CAMSAP3: variants seen among roughly 807,000 people sequenced by gnomAD.
The protein encoded by CAMSAP3 is calmodulin-regulated spectrin-associated protein 3.
In CAMSAP3, 34 loss-of-function variants were observed where a neutral mutation model predicts 112.5. The observed-to-expected ratio is 0.30, with a 90% confidence interval of 0.23 to 0.40. The LOEUF is 0.40. Among genes scored for constraint, CAMSAP3 ranks in the 10% least tolerant of loss-of-function variants. CAMSAP3 has a pLI of 1.00. For synonymous variants in CAMSAP3, 868 were observed against 799.8 expected, an observed-to-expected ratio of 1.09 and a Z score of -1.44; for missense variants, 1,602 against 1,770.3, an observed-to-expected ratio of 0.90 and a Z score of 1.71.
chr19:7,614,041 CA>C (rs2030645837), intron 11 of CAMSAP3, among the ~76,000 whole-genome samples: 1 of 152,022 alleles, frequency 6.6e-6, no homozygotes, highest in Non-Finnish European at 1.5e-5. Context: ...GCAGGCGGAT[CA>C]TGAGGTCAGG....
Position 7,606,522 on chromosome 19 carries a change from G to T in CAMSAP3, c.572G>T (p.Arg191Leu), listed in dbSNP as rs748688250. 1 of 1,559,838 alleles carries T rather than the reference G, an allele frequency of 6.4e-7. No individual in the cohort carries two copies. The highest frequency in any genetic ancestry group is 1.4e-5 in the African/African-American group (1 of 74,072). Residue 191 changes from arginine to leucine, a missense_variant, in exon 4 of 17, where the codon CGA (arginine) becomes CTA (leucine). Coordinates refer to ENST00000160298, the MANE Select transcript of CAMSAP3 (RefSeq NM_020902.2). The part of the protein sequence containing the change: ...QEKTEQEAAQ[R>L]ASPAAPADGA... ...AAGACCGAGCAGGAAGCGGCCCAGC[G>T]AGCCTCTCCAGCAGCCCCTGCAGAC... is the stretch of plus-strand genomic sequence containing the variant.
At position 7,617,509 on chromosome 19, in the gene CAMSAP3, G is replaced by GCCCCCCCCCCCCCCCCCC; in HGVS notation, c.3326-28_3326-27insCCCCCCCCCCCCCCCCCC. 4 of 1,608,404 alleles carry GCCCCCCCCCCCCCCCCCC rather than the reference G, an allele frequency of 2.5e-6. No homozygotes were observed. The highest frequency in any genetic ancestry group is 1.7e-5 in the Admixed American group (1 of 59,980). The stretch of plus-strand genomic sequence containing the variant: ...TCCACAGCCCCTGCTCATTCCTGCT[G>GCCCCCCCCCCCCCCCCCC]CCCCCCACCCCCTCCCACTGCCTCA... On this transcript the variant is annotated intron_variant, in intron 15 of 16. Coordinates refer to ENST00000160298, the MANE Select transcript of CAMSAP3 (RefSeq NM_020902.2). The surrounding 1 kb of genome is among the most constrained non-coding windows in gnomAD (Gnocchi z 7.5).
intron 13 of CAMSAP3, 81 bp from the exon 14 acceptor site, chr19:7,616,442 T>A (rs2030794587): frequency 9.9e-7 from 1 of 1,014,056 alleles, no homozygotes; most frequent in Non-Finnish European, 1.6e-6. Flanking sequence ...TCCTCCTGTG[T>A]TCCCCCCACA....
At position 7,596,509 on chromosome 19, in the gene CAMSAP3, C is replaced by T. The variant is rs1022073809; in HGVS notation, c.148+359C>T. Among the ~76,000 whole-genome samples, 6 of 149,024 alleles carry T rather than the reference C, an allele frequency of 4.0e-5. 1 individual carries two copies. The highest frequency in any genetic ancestry group is 2.0e-4 in the Admixed American group (3 of 14,970). ...GCCTCCCGCACCCCCAAGGCCTTCC[C>T]TTGCACGCCTTCTTCTCTTTTACAC... On this transcript the variant is annotated intron_variant, in intron 1 of 16. Transcript: ENST00000160298.
intron 13 of CAMSAP3, chr19:7,616,282 C>T (rs923078076): frequency 4.2e-6 from 2 of 472,750 alleles, no homozygotes; most frequent in African/African-American, 2.0e-5. Flanking sequence ...GGATAGGAAC[C>T]TTTGGGAGTA....
chr19:7,617,283 C>G lies in CAMSAP3; in HGVS notation c.3213-43C>G. 2.1e-6 allele frequency: 3 copies of G among 1,404,588 alleles called. No homozygotes were observed. The highest frequency in any genetic ancestry group is 1.0e-6 in the Non-Finnish European group (1 of 989,350). The allele number at this position is 1,404,588 out of a possible 1,614,324, so 87.0% of individuals were successfully genotyped here. Reference sequence around the variant, plus strand: ...TTCCCATCTCTGACCCCACCTCCATCCCATCCTGACCCCACCTCCATCCCA... The same window carrying G: ...TTCCCATCTCTGACCCCACCTCCATGCCATCCTGACCCCACCTCCATCCCA... On this transcript the variant is annotated intron_variant, in intron 14 of 16. Coordinates refer to ENST00000160298, the MANE Select transcript of CAMSAP3 (RefSeq NM_020902.2). This position sits in a 1 kb window ranked among gnomAD's most constrained non-coding sequence, Gnocchi z 7.5.
Position 7,615,553 on chromosome 19 carries a change from C to A in CAMSAP3, c.2946C>A (p.Tyr982Ter). ...PRKGDFTRQE[Y>*]ERRAQLKLMD... Reference sequence around the variant, plus strand: ...AGGGGGACTTCACGCGGCAGGAGTACGAGCGCCGGGCCCAGCTGAAGCTGA... The same window carrying A: ...AGGGGGACTTCACGCGGCAGGAGTAAGAGCGCCGGGCCCAGCTGAAGCTGA... The change falls in exon 13 of 17, where the codon TAC (tyrosine) becomes TAA (stop). Residue 982 changes from tyrosine (Y) to a stop codon, truncating the protein, a stop_gained. Transcript: ENST00000160298. LOFTEE classifies it high-confidence loss of function. The surrounding 1 kb of genome is among the most constrained non-coding windows in gnomAD (Gnocchi z 6.5). 6.6e-7 allele frequency: 1 copy of A among 1,524,128 alleles called. No individual in the cohort carries two copies. The highest frequency in any genetic ancestry group is 8.8e-7 in the Non-Finnish European group (1 of 1,137,326). The allele number at this position is 1,524,128 out of a possible 1,614,324, so 94.4% of individuals were successfully genotyped here. A position where few individuals can be genotyped will look rare whatever the true frequency, so the allele number is the denominator to read the frequency against.
In CAMSAP3 at chr19:7,607,826, A is replaced by G; in HGVS notation, c.622-300A>G. The G allele has an allele frequency of 1.5e-6, 2 of 1,332,720 alleles. No homozygotes were observed. The highest frequency in any genetic ancestry group is 2.0e-6 in the Non-Finnish European group (2 of 991,202). The allele number at this position is 1,332,720 out of a possible 1,614,324, so 82.6% of individuals were successfully genotyped here. A position where few individuals can be genotyped will look rare whatever the true frequency, so the allele number is the denominator to read the frequency against. ...GGCTGCTCCTCTCCCCCCAGCACGC[A>G]ATTGCCTTCTGTTTGAAGGAGTCGG... On this transcript the variant is annotated intron_variant, in intron 4 of 16. Coordinates refer to ENST00000160298, the MANE Select transcript of CAMSAP3 (RefSeq NM_020902.2). This position sits in a 1 kb window ranked among gnomAD's most constrained non-coding sequence, Gnocchi z 4.9.
chr19:7,596,333 G>A (rs1250320347), intron 1 of CAMSAP3, among the ~76,000 whole-genome samples, 183 bp downstream of exon 1: 4 of 150,886 alleles, frequency 2.7e-5, no homozygotes, highest in Non-Finnish European at 4.4e-5. Context: ...CGGCCCGGGC[G>A]GTGGACTTTG....
rs772813364 is a variant in CAMSAP3, at chr19:7,606,258, C to T, written c.403-13C>T. On this transcript the variant is annotated splice_polypyrimidine_tract_variant and intron_variant, in intron 2 of 16. Transcript: ENST00000160298. The stretch of plus-strand genomic sequence containing the variant: ...AGCTCTCAGGTCTCACCCTCTAGCG[C>T]TTGCCCCCACAGGGAGCCCACCTAG... The T allele has an allele frequency of 6.2e-7, 1 of 1,612,826 alleles. No homozygotes were observed. The highest frequency in any genetic ancestry group is 8.5e-7 in the Non-Finnish European group (1 of 1,179,912).
At position 7,595,915 on chromosome 19, in the gene CAMSAP3, C is replaced by T. The variant is rs924376448; in HGVS notation, c.-88C>T. 14 of 618,080 alleles carry T rather than the reference C, an allele frequency of 2.3e-5. No homozygotes were observed. In the African/African-American group the frequency reaches 2.4e-4, roughly 11 times the overall value. The allele number at this position is 618,080 out of a possible 1,614,324, so 38.3% of individuals were successfully genotyped here. ...GCGGCGGCGGCAGCGGCGGTAGCAG[C>T]AGCGGGCCCGGCTGGGGCGCGAGCG... On this transcript the variant is annotated 5_prime_UTR_variant, in exon 1 of 17. Transcript: ENST00000160298.
chr19:7,612,562 C>A lies in CAMSAP3; in HGVS notation c.2069C>A (p.Pro690Gln). 1 of 1,535,140 alleles carries A rather than the reference C, an allele frequency of 6.5e-7. No individual in the cohort carries two copies. Among genetic ancestry groups the A allele is most frequent in the South Asian group, 1.2e-5 (1 of 83,984 alleles). Residue 690 changes from proline to glutamine, a missense_variant, in exon 11 of 17, where the codon CCG becomes CAG. Transcript: ENST00000160298. ...GTGACCTTCTCGCCAGACCTGGGCCCGGTGCCCCACGAGGGGCTGGGGGAA... is the reference window on the plus strand; with the variant it reads ...GTGACCTTCTCGCCAGACCTGGGCCAGGTGCCCCACGAGGGGCTGGGGGAA... ...KAVTFSPDLG[P>Q]VPHEGLGEYN...
At chr19:7,596,565 G>A (rs1320708608) in intron 1 of CAMSAP3, among the ~76,000 whole-genome samples, 1 of 152,050 alleles carries the variant, frequency 6.6e-6, no homozygotes, top group African/African-American at 2.4e-5. Flanking sequence ...TCTCCTCTCG[G>A]TCTCTTCCCC....
In CAMSAP3 at chr19:7,608,349, C is replaced by G; in HGVS notation, c.760+85C>G. 6.7e-6 allele frequency: 10 copies of G among 1,496,894 alleles called. No homozygotes were observed. In the South Asian group the frequency reaches 1.1e-4, roughly 17 times the overall value. The allele number at this position is 1,496,894 out of a possible 1,614,324, so 92.7% of individuals were successfully genotyped here. Reference sequence around the variant, plus strand: ...CCCCTAGACCCTCCATCCCCAGGTCCGCGAGACCAGCAACGATGCAGTGGT... The same window carrying G: ...CCCCTAGACCCTCCATCCCCAGGTCGGCGAGACCAGCAACGATGCAGTGGT... On this transcript the variant is annotated intron_variant, in intron 5 of 16. Coordinates refer to ENST00000160298, the MANE Select transcript of CAMSAP3 (RefSeq NM_020902.2).
In CAMSAP3 at chr19:7,606,536, G is replaced by A. The variant is rs771898096; in HGVS notation, c.586G>A (p.Ala196Thr). The A allele has an allele frequency of 3.2e-6, 5 of 1,554,792 alleles. No homozygotes were observed. The highest frequency in any genetic ancestry group is 2.7e-5 in the African/African-American group (2 of 73,872). The stretch of plus-strand genomic sequence containing the variant: ...AGCGGCCCAGCGAGCCTCTCCAGCA[G>A]CCCCTGCAGACGGGGCGGCCCCGGC... ...QEAAQRASPA[A>T]PADGAAPAQP... The change falls in exon 4 of 17, where the codon GCC becomes ACC. Residue 196 changes from alanine to threonine, a missense_variant. Physicochemically the swap from Ala to Thr is moderately conservative, Grantham distance 58. Around this residue, in one of 6 missense-constraint regions of CAMSAP3, gnomAD observed 112 missense variants for 94.2 expected, o/e 1.19. Transcript: ENST00000160298.
Position 7,605,497 on chromosome 19 carries a change from C to T in CAMSAP3, c.402+18C>T, listed in dbSNP as rs1017150687. On this transcript the variant is annotated intron_variant, in intron 2 of 16. Transcript: ENST00000160298. ...TTCTCATGGTAGGCCCCGCCACTGC[C>T]TGTTAGACCACGCCTACCATGCTCA... 3.4e-6 allele frequency: 5 copies of T among 1,451,160 alleles called. No individual in the cohort carries two copies. Among genetic ancestry groups the T allele is most frequent in the Non-Finnish European group, 4.5e-6 (5 of 1,102,432 alleles). 89.9% of individuals were successfully genotyped at this position (1,451,160 alleles called of 1,614,324 possible). A position where few individuals can be genotyped will look rare whatever the true frequency, so the allele number is the denominator to read the frequency against.
intron 1 of CAMSAP3, among the ~76,000 whole-genome samples, chr19:7,601,080 A>G (rs2029946296): frequency 6.6e-6 from 1 of 152,070 alleles, no homozygotes; most frequent in Admixed American, 6.6e-5. Flanking sequence ...CAGAACCAAG[A>G]TGTGCTGTAA....
At chr19:7,596,537 A>T (rs1325214887) in intron 1 of CAMSAP3, among the ~76,000 whole-genome samples, 1 of 151,636 alleles carries the variant, frequency 6.6e-6, no homozygotes, top group Non-Finnish European at 1.5e-5. Flanking sequence ...TTTTACACAC[A>T]TCACGCCCCT....
chr19:7,598,714 G>A (rs1345379281), intron 1 of CAMSAP3, among the ~76,000 whole-genome samples: 1 of 152,054 alleles, frequency 6.6e-6, no homozygotes, highest in Non-Finnish European at 1.5e-5. Context: ...TTGAACCTGT[G>A]AGGCGGAGGT....
Sources: gnomAD v4.1 joint callset for allele counts (sites outside exome capture counted in the v4.1 genomes callset) on GRCh38, gnomAD v4.1.1 for gene constraint, gnomAD v4.1.1 regional missense constraint, Gnocchi (gnomAD v3.1) non-coding constraint, MANE v1.5 for transcripts, NCBI Gene and HGNC (gene_info 2026-07-23, HGNC 2026-07-21) for gene names.